The following THSD7B variants were observed in gnomAD, a reference collection of about 807,000 sequenced individuals.
The protein encoded by THSD7B is thrombospondin type-1 domain-containing protein 7B.
In THSD7B, 138 loss-of-function variants were observed where a neutral mutation model predicts 213.6. The ratio of observed to expected loss-of-function variants is 0.65; its 90% CI spans 0.56 to 0.74. The LOEUF (loss-of-function observed/expected upper bound fraction) is 0.74. Ranked by LOEUF, THSD7B falls within the 30% of genes least tolerant of loss-of-function variation. THSD7B has a pLI of 0.00. For missense variants in THSD7B, 1,931 were observed against 1,991.5 expected (o/e 0.97, Z 0.58); for synonymous variants, 742 against 687.0 (o/e 1.08, Z -1.25).
At chr2:137,196,326 T>C (rs1169739384) in intron 7 of THSD7B, among the ~76,000 whole-genome samples, 3 of 149,552 alleles carry the variant, frequency 2.0e-5, no homozygotes, top group Admixed American at 6.7e-5. Context: ...AGATACACAA[T>C]AACCTTTTAA....
At chr2:137,265,031 T>C (rs1380175563) in intron 10 of THSD7B, among the ~76,000 whole-genome samples, 1 of 152,044 alleles carries the variant, frequency 6.6e-6, no homozygotes, top group African/African-American at 2.4e-5. Flanking sequence ...CCTGTGTCCA[T>C]GTGTTCTCAT....
chr2:137,062,164 A>G (rs75430434), intron 3 of THSD7B, among the ~76,000 whole-genome samples: 3,989 of 151,742 alleles, frequency 0.026, 131 homozygotes, highest in African/African-American at 0.078. Context: ...TCCTTTTAAT[A>G]GCTATGGGAT....
chr2:137,262,177 G>A (rs142111382), intron 10 of THSD7B, among the ~76,000 whole-genome samples: 38 of 152,256 alleles, frequency 2.5e-4, no homozygotes, highest in Non-Finnish European at 5.1e-4. Context: ...ATAGAGTAGG[G>A]CAACATGAAT....
At chr2:137,558,493 G>A (rs1681034807) in intron 15 of THSD7B, among the ~76,000 whole-genome samples, 1 of 152,072 alleles carries the variant, frequency 6.6e-6, no homozygotes, top group South Asian at 2.1e-4. Flanking sequence ...TGCAGAAAAG[G>A]CCTTCAACAT....
chr2:137,391,923 C>T lies in THSD7B; in HGVS notation c.2501-13690C>T, dbSNP rs114045011. 4.3e-3 allele frequency among the ~76,000 whole-genome samples: 648 copies of T among 152,214 alleles called. 6 individuals are homozygous for T. The highest frequency in any genetic ancestry group is 0.015 in the African/African-American group (610 of 41,536). The stretch of plus-strand genomic sequence containing the variant: ...TTAGCACTACTTTTGCTGTACCCAA[C>T]AAGTTTTGGTATGTTGTGCTTCCAT... On this transcript the variant is annotated intron_variant, in intron 12 of 27. Transcript: ENST00000409968.
chr2:137,173,133 A>C (rs1680291388), intron 7 of THSD7B, among the ~76,000 whole-genome samples: 1 of 152,186 alleles, frequency 6.6e-6, no homozygotes, highest in Admixed American at 6.6e-5. Context: ...TGAAGTGGCA[A>C]TGATTTTTTG....
chr2:137,094,887 A>C lies in THSD7B; in HGVS notation c.965A>C (p.Asp322Ala), dbSNP rs1313175409. ...GTTTTTTTCAGCCTTTGCCTTCAAGATTCCTTCCCATTGACTGTTCAGTCC... is the reference window on the plus strand; with the variant it reads ...GTTTTTTTCAGCCTTTGCCTTCAAGCTTCCTTCCCATTGACTGTTCAGTCC... ...QNAMLSLCLQDSFPLTVQSCI... is the reference protein window; with the variant it reads ...QNAMLSLCLQASFPLTVQSCI... The change falls in exon 4 of 28, where the codon GAT becomes GCT. Residue 322 changes from aspartate (D) to alanine (A), a missense_variant. Transcript: ENST00000409968. 6.2e-7 allele frequency: 1 copy of C among 1,612,206 alleles called. No individual in the cohort carries two copies. Among genetic ancestry groups the C allele is most frequent in the South Asian group, 1.1e-5 (1 of 90,896 alleles).
intron 2 of THSD7B, among the ~76,000 whole-genome samples, chr2:136,987,967 G>T (rs1685697668): frequency 6.6e-6 from 1 of 152,172 alleles, no homozygotes; most frequent in African/African-American, 2.4e-5. Context: ...GGGAAAATCA[G>T]CTGATGAAGT....
intron 10 of THSD7B, among the ~76,000 whole-genome samples, chr2:137,256,326 C>T (rs1046165796): frequency 2.6e-5 from 4 of 152,126 alleles, no homozygotes; most frequent in African/African-American, 9.7e-5. Context: ...CATGCAAACA[C>T]ATGTTTTCTA....
At chr2:137,017,562 G>T (rs1686365413) in intron 2 of THSD7B, among the ~76,000 whole-genome samples, 1 of 152,056 alleles carries the variant, frequency 6.6e-6, no homozygotes, top group Non-Finnish European at 1.5e-5. Flanking sequence ...ATGATATTTG[G>T]GTTGGAAATG....
intron 12 of THSD7B, among the ~76,000 whole-genome samples, chr2:137,363,352 C>A (rs984958576): frequency 6.6e-6 from 1 of 152,072 alleles, no homozygotes; most frequent in African/African-American, 2.4e-5. Context: ...CAAACAAATT[C>A]AAAAGCTAGC....
chr2:137,231,090 G>A lies in THSD7B; in HGVS notation c.1770G>A (p.Glu590=). 1.2e-6 allele frequency: 2 copies of A among 1,613,756 alleles called. No homozygotes were observed. Among genetic ancestry groups the A allele is most frequent in the Non-Finnish European group, 1.7e-6 (2 of 1,179,768 alleles). Residue 590 remains glutamate, a synonymous_variant, in exon 8 of 28, where the codon GAG becomes GAA. Transcript: ENST00000409968. ...TTTGCCCAGTTCCCCCTCCTCCTGA[G>A]AGGAAGTCTTGTGAAATTCCCTGCC... is the stretch of plus-strand genomic sequence containing the variant. ...GSLCPVPPPP[E]RKSCEIPCRM...
chr2:137,347,969 CA>C (rs796129854), intron 12 of THSD7B, among the ~76,000 whole-genome samples: 56 of 140,050 alleles, frequency 4.0e-4, no homozygotes, highest in East Asian at 1.4e-3. Flanking sequence ...GCCTCATTTT[CA>C]AAAAAAAAAA....
At chr2:137,013,733 C>T (rs1686282830) in intron 2 of THSD7B, among the ~76,000 whole-genome samples, 1 of 152,150 alleles carries the variant, frequency 6.6e-6, no homozygotes, top group African/African-American at 2.4e-5. Context: ...CTACACTCTG[C>T]CCTGCTTCAA....
chr2:136,951,724 G>T (rs1272773586), intron 2 of THSD7B, among the ~76,000 whole-genome samples: 1 of 152,206 alleles, frequency 6.6e-6, no homozygotes, highest in Non-Finnish European at 1.5e-5. Context: ...TTCAGATGGA[G>T]TATCTATCAA....
At chr2:137,285,620 G>T (rs10190178) in intron 12 of THSD7B, among the ~76,000 whole-genome samples, 2 of 150,152 alleles carry the variant, frequency 1.3e-5, no homozygotes, top group East Asian at 3.9e-4. Flanking sequence ...ATTAGAAATC[G>T]GAACAAGTTA....
chr2:136,991,388 A>G (rs2104815987), intron 2 of THSD7B, among the ~76,000 whole-genome samples: 1 of 152,272 alleles, frequency 6.6e-6, no homozygotes, highest in South Asian at 2.1e-4. Flanking sequence ...AAAGTCAACC[A>G]TGTTCTATAG....
intron 15 of THSD7B, among the ~76,000 whole-genome samples, chr2:137,456,687 G>C (rs1041500035): frequency 6.6e-6 from 1 of 152,184 alleles, no homozygotes; most frequent in Non-Finnish European, 1.5e-5. Context: ...GTTCTTACAT[G>C]CAGAGGGGAG....
chr2:136,768,369 T>G (rs1216903908), intron 1 of THSD7B, among the ~76,000 whole-genome samples: 1 of 152,120 alleles, frequency 6.6e-6, no homozygotes, highest in South Asian at 2.1e-4. Context: ...CTTCACAAAT[T>G]GAAACTGGAG....
Sources: allele counts gnomAD v4.1 joint callset (sites outside exome capture counted in the v4.1 genomes callset), GRCh38; gene constraint gnomAD v4.1.1; transcripts MANE v1.5; gene names NCBI Gene and HGNC (gene_info 2026-07-23, HGNC 2026-07-21).